CFAP46: variants seen among roughly 807,000 people sequenced by gnomAD.
CFAP46 encodes cilia- and flagella-associated protein 46.
A neutral mutation model predicts 325.7 loss-of-function variants in CFAP46; 245 were observed. The ratio of observed to expected loss-of-function variants is 0.75; its 90% CI spans 0.68 to 0.84. CFAP46 has a LOEUF of 0.84. Among genes scored for constraint, CFAP46 ranks in the 40% least tolerant of loss-of-function variants. The pLI is 0.00. For missense variants in CFAP46, 3,346 were observed against 3,543.0 expected (o/e 0.94, Z 1.41); for synonymous variants, 1,523 against 1,495.9 (o/e 1.02, Z -0.42).
In CFAP46 at chr10:132,847,186, C is replaced by T. The variant is rs765402942; in HGVS notation, c.6087+1G>A. 40 of 1,611,138 alleles carry T rather than the reference C, an allele frequency of 2.5e-5. No homozygotes were observed. Among genetic ancestry groups the T allele is most frequent in the Non-Finnish European group, 3.2e-5 (38 of 1,179,322 alleles). On this transcript the variant is annotated splice_donor_variant, in intron 42 of 57. Coordinates refer to ENST00000368586, the MANE Select transcript of CFAP46 (RefSeq NM_001200049.3). LOFTEE classifies it high-confidence loss of function. The surrounding 1 kb of genome is among the most constrained non-coding windows in gnomAD (Gnocchi z 5.2). Reference sequence around the variant, plus strand: ...ACGAGGGGCAGGAGGGGCAGCCGCACCTTCAGGTCCTCGCCTCTCCTGCAG... The same window carrying T: ...ACGAGGGGCAGGAGGGGCAGCCGCATCTTCAGGTCCTCGCCTCTCCTGCAG...
chr10:132,942,424 G>GTC lies in CFAP46; in HGVS notation c.49+11_49+12insGA, dbSNP rs781387454. ...CTCCCCGGGGCGGGGGTCGTGGCGG[G>GTC]CCTGGGGTCACCTTGCTGGCTCTCG... On this transcript the variant is annotated intron_variant, in intron 1 of 57. Transcript: ENST00000368586. The GTC allele has an allele frequency of 2.2e-6, 3 of 1,356,380 alleles. No individual in the cohort carries two copies. Among genetic ancestry groups the GTC allele is most frequent in the South Asian group, 1.9e-5 (1 of 52,100 alleles). The allele number at this position is 1,356,380 out of a possible 1,614,324, so 84.0% of individuals were successfully genotyped here. A position where few individuals can be genotyped will look rare whatever the true frequency, so the allele number is the denominator to read the frequency against.
Position 132,938,768 on chromosome 10 carries a change from G to C in CFAP46, c.372-15C>G, listed in dbSNP as rs747811163. 2 of 1,607,272 alleles carry C rather than the reference G, an allele frequency of 1.2e-6. No individual in the cohort carries two copies. Among genetic ancestry groups the C allele is most frequent in the African/African-American group, 1.3e-5 (1 of 74,826 alleles). On this transcript the variant is annotated splice_polypyrimidine_tract_variant and intron_variant, in intron 4 of 57. Transcript: ENST00000368586. ...AAAAGTAGTACCTGCGGCGCGAGCA[G>C]AGGAAGCAGAGAGCACGCTCAAAGC... is the stretch of plus-strand genomic sequence containing the variant.
In CFAP46 at chr10:132,919,266, A is replaced by C. The variant is rs117193312; in HGVS notation, c.1858+49T>G. The C allele has an allele frequency of 2.0e-4, 307 of 1,518,060 alleles. No individual in the cohort carries two copies. Among genetic ancestry groups the C allele is most frequent in the Non-Finnish European group, 2.6e-4 (297 of 1,128,894 alleles). 94.0% of individuals were successfully genotyped at this position (1,518,060 alleles called of 1,614,324 possible). A position where few individuals can be genotyped will look rare whatever the true frequency, so the allele number is the denominator to read the frequency against. ...GAACCACAACCCTTCCCACACCCAG[A>C]GGGCGGCCGTGGCCAGGCTGGGACA... On this transcript the variant is annotated intron_variant, in intron 15 of 57. Coordinates refer to ENST00000368586, the MANE Select transcript of CFAP46 (RefSeq NM_001200049.3). The surrounding 1 kb of genome is among the most constrained non-coding windows in gnomAD (Gnocchi z 9.7).
In CFAP46 at chr10:132,892,352, G is replaced by C. The variant is rs754430006; in HGVS notation, c.3285C>G (p.Thr1095=). 1.3e-6 allele frequency: 2 copies of C among 1,550,812 alleles called. No homozygotes were observed. Among genetic ancestry groups the C allele is most frequent in the Non-Finnish European group, 1.7e-6 (2 of 1,147,044 alleles). The change falls in exon 25 of 58, where the codon ACC becomes ACG. Residue 1095 remains threonine (T), a synonymous_variant. Transcript: ENST00000368586. ...PTADFQGGGT[T]EGYFLPGAED... Reference sequence around the variant, plus strand: ...ACAAACCTGGAAGAAAATATCCTTCGGTCGTCCCGCCACCCTGGAAGTCGG... The same window carrying C: ...ACAAACCTGGAAGAAAATATCCTTCCGTCGTCCCGCCACCCTGGAAGTCGG...
intron 50 of CFAP46, among the ~76,000 whole-genome samples, chr10:132,824,292 ATGTGTGC>A (rs1300496279): frequency 8.8e-5 from 5 of 56,966 alleles, no homozygotes; most frequent in Non-Finnish European, 1.7e-4. Context: ...CTGAGTGCTG[ATGTGTGC>A]TGTGTGCTGT....
intron 44 of CFAP46, among the ~76,000 whole-genome samples, chr10:132,843,389 G>A (rs1020397534): frequency 1.4e-5 from 2 of 147,974 alleles, no homozygotes; most frequent in Admixed American, 1.3e-4. Flanking sequence ...CCAAGGTGCT[G>A]TAAGGCTCTG....
At chr10:132,852,232 C>G (rs561090340) in intron 39 of CFAP46, among the ~76,000 whole-genome samples, 2 of 149,524 alleles carry the variant, frequency 1.3e-5, no homozygotes, top group African/African-American at 2.5e-5. Flanking sequence ...CTTAGGAATT[C>G]TCAGATCCCA....
At chr10:132,935,566 T>C (rs533393795) in intron 7 of CFAP46, among the ~76,000 whole-genome samples, 1 of 129,044 alleles carries the variant, frequency 7.7e-6, no homozygotes, top group South Asian at 2.7e-4. Context: ...CACTGCGATC[T>C]TCTCATTCCC....
intron 19 of CFAP46, among the ~76,000 whole-genome samples, chr10:132,912,233 CCTGTCCTCTT>C (rs1849552425): frequency 7.7e-6 from 1 of 129,590 alleles, no homozygotes; most frequent in Non-Finnish European, 1.7e-5. Flanking sequence ...TCTCCTCTCT[CCTGTCCTCTT>C]TCCTCTCTCT....
intron 38 of CFAP46, 121 bp from the exon 39 acceptor site, chr10:132,857,909 T>A: frequency 2.2e-6 from 2 of 894,450 alleles, no homozygotes; most frequent in Non-Finnish European, 3.3e-6. Context: ...TTAAAATAGC[T>A]AACATGTAAA....
intron 50 of CFAP46, among the ~76,000 whole-genome samples, chr10:132,826,363 C>T (rs565941375): frequency 2.6e-3 from 370 of 140,154 alleles, no homozygotes; most frequent in African/African-American, 8.9e-3. Flanking sequence ...AGACCAGCCA[C>T]GGAGCCAGGC....
At chr10:132,912,005 C>G (rs1034026125) in intron 19 of CFAP46, among the ~76,000 whole-genome samples, 1 of 152,088 alleles carries the variant, frequency 6.6e-6, no homozygotes, top group Non-Finnish European at 1.5e-5. Context: ...CCACTGAAGG[C>G]AGTTTGCTCT....
chr10:132,920,066 T>G lies in CFAP46; in HGVS notation c.1723A>C (p.Lys575Gln), dbSNP rs1849698601. The G allele has an allele frequency of 3.2e-6, 5 of 1,544,638 alleles. No individual in the cohort carries two copies. The change falls in exon 14 of 58, where the codon AAG (lysine) becomes CAG (glutamine). Residue 575 changes from lysine to glutamine, a missense_variant. By Grantham distance (53) the Lys-to-Gln change is moderately conservative. Coordinates refer to ENST00000368586, the MANE Select transcript of CFAP46 (RefSeq NM_001200049.3). Reference sequence around the variant, plus strand: ...GGCCTTTTCCTCACTCACCTCTCCTTGTCGTTTTCGTTGCCCAGGCGCCGC... The same window carrying G: ...GGCCTTTTCCTCACTCACCTCTCCTGGTCGTTTTCGTTGCCCAGGCGCCGC... ...HLRRLGNEND[K>Q]ERIQIWAELA... is the part of the protein sequence containing the mutation.
intron 1 of CFAP46, 55 bp from the exon 2 acceptor site, chr10:132,942,159 C>G: frequency 6.5e-7 from 1 of 1,542,184 alleles, no homozygotes; most frequent in Non-Finnish European, 8.8e-7. Context: ...GAGAAGTGAG[C>G]CGGGCAACGC....
chr10:132,867,576 A>G (rs1439856555), intron 33 of CFAP46, 69 bp from the exon 34 acceptor site: 2 of 1,506,910 alleles, frequency 1.3e-6, no homozygotes, highest in Non-Finnish European at 1.8e-6. Flanking sequence ...ACGAGTAACC[A>G]AAGAAACGCA....
At chr10:132,940,104 G>A (rs1159751353) in intron 4 of CFAP46, among the ~76,000 whole-genome samples, 1 of 152,072 alleles carries the variant, frequency 6.6e-6, no homozygotes, top group East Asian at 2.0e-4. Context: ...TTGAGGTGGG[G>A]CCTCCCCGTC....
Position 132,924,862 on chromosome 10 carries a change from G to C in CFAP46, c.1090C>G (p.Leu364Val). 7.1e-7 allele frequency: 1 copy of C among 1,406,716 alleles called. No individual in the cohort carries two copies. The highest frequency in any genetic ancestry group is 9.3e-7 in the Non-Finnish European group (1 of 1,073,242). 87.1% of individuals were successfully genotyped at this position (1,406,716 alleles called of 1,614,324 possible). A position where few individuals can be genotyped will look rare whatever the true frequency, so the allele number is the denominator to read the frequency against. ...ACGGCTCGCTGCAGCGCGACGTCTA[G>C]CCTCTGTATGATATCCAGCTGGGCC... The part of the protein sequence containing the change: ...VEAQLDIIQR[L>V]DVALQRAVRL... The change falls in exon 11 of 58, where the codon CTA becomes GTA. Residue 364 changes from leucine (L) to valine (V), a missense_variant. Transcript: ENST00000368586.
intron 50 of CFAP46, among the ~76,000 whole-genome samples, chr10:132,823,115 G>A (rs1847921132): frequency 7.2e-6 from 1 of 138,638 alleles, no homozygotes; most frequent in Non-Finnish European, 1.5e-5. Flanking sequence ...GATGTGTGCT[G>A]TGTGTGTGCT....
At chr10:132,911,091 G>C (rs55894633) in intron 19 of CFAP46, among the ~76,000 whole-genome samples, 53,829 of 152,144 alleles carry the variant, frequency 0.35, 9,855 homozygotes, top group Admixed American at 0.49. Context: ...GCCCACAGCA[G>C]GCTCAGCTGC....
Sources: gnomAD v4.1 joint callset for allele counts (sites outside exome capture counted in the v4.1 genomes callset) on GRCh38, gnomAD v4.1.1 for gene constraint, Gnocchi (gnomAD v3.1) non-coding constraint, MANE v1.5 for transcripts, NCBI Gene and HGNC (gene_info 2026-07-23, HGNC 2026-07-21) for gene names.